Variants in PLEKHA7 observed in about 807,000 individuals in gnomAD.
PLEKHA7 encodes pleckstrin homology domain containing A7, also known as pleckstrin homology domain-containing family A member 7.
Under a neutral mutation model 170.0 loss-of-function variants are expected in PLEKHA7, and 104 were observed. That is an observed-to-expected ratio of 0.61 (90% CI 0.52 to 0.72). The LOEUF (loss-of-function observed/expected upper bound fraction) is 0.72, where lower values mean the gene tolerates loss of function less well. Ranked by LOEUF, PLEKHA7 falls within the 30% of genes least tolerant of loss-of-function variation. PLEKHA7 has a pLI of 0.00. For synonymous variants in PLEKHA7, 648 were observed against 660.8 expected, an observed-to-expected ratio of 0.98 and a Z score of 0.30; for missense variants, 1,615 against 1,671.7, an observed-to-expected ratio of 0.97 and a Z score of 0.59.
Position 16,803,221 on chromosome 11 carries a change from A to C in PLEKHA7, c.2076+6T>G. On this transcript the variant is annotated splice_donor_region_variant and intron_variant, in intron 14 of 26. Transcript: ENST00000531066. ...GAGGGGTCAGCGTGTCACTCTGCTCACTCACGTCAGTGTCGCTCTCAGCGA... is the reference window on the plus strand; with the variant it reads ...GAGGGGTCAGCGTGTCACTCTGCTCCCTCACGTCAGTGTCGCTCTCAGCGA... 1 of 1,612,380 alleles carries C rather than the reference A, an allele frequency of 6.2e-7. No individual in the cohort carries two copies. The highest frequency in any genetic ancestry group is 8.5e-7 in the Non-Finnish European group (1 of 1,178,492).
chr11:16,904,793 T>C (rs534392410), intron 3 of PLEKHA7, among the ~76,000 whole-genome samples: 6 of 152,224 alleles, frequency 3.9e-5, no homozygotes, highest in Non-Finnish European at 7.4e-5. Context: ...TTTTAAAACT[T>C]CAAAATGGGG....
Position 16,782,886 on chromosome 11 carries a change from G to A in PLEKHA7, c.3661C>T (p.Leu1221=). 1.3e-6 allele frequency: 2 copies of A among 1,536,142 alleles called. No homozygotes were observed. The highest frequency in any genetic ancestry group is 1.4e-5 in the African/African-American group (1 of 73,178). The stretch of plus-strand genomic sequence containing the variant: ...TGGTCCTGGCCTGAGGTCGGCTGTA[G>A]GTTGCACATGCTGTAGGAGGGTCGG... ...NILARSSMCN[L]QPTSGQDQNS... is the part of the protein sequence containing the mutation. The change falls in exon 26 of 27, where the codon CTA becomes TTA. Residue 1221 remains leucine (L), a synonymous_variant. Transcript: ENST00000531066.
intron 4 of PLEKHA7, among the ~76,000 whole-genome samples, chr11:16,860,192 A>G (rs1023108959): frequency 2.6e-5 from 4 of 152,230 alleles, no homozygotes; most frequent in Admixed American, 2.0e-4. Context: ...GGATGTGTGA[A>G]GTGAGCCTGA....
chr11:16,787,075 C>T (rs1274594411), intron 23 of PLEKHA7: 75 of 985,292 alleles, frequency 7.6e-5, no homozygotes, highest in Non-Finnish European at 8.4e-5. Context: ...ACAGTATCAA[C>T]TTTGTAACAA....
intron 3 of PLEKHA7, among the ~76,000 whole-genome samples, chr11:16,921,105 T>C (rs1405789323): frequency 1.3e-5 from 2 of 152,232 alleles, no homozygotes; most frequent in Non-Finnish European, 2.9e-5. Flanking sequence ...TTTTTTGTTG[T>C]TGTTGTTCCT....
rs544374242 is a variant in PLEKHA7 at position 16,835,691 on chromosome 11, A to G, written c.872+5856T>C. Among the ~76,000 whole-genome samples the G allele has an allele frequency of 6.5e-4, 99 of 152,348 alleles. 1 individual carries two copies. Among genetic ancestry groups the G allele is most frequent in the South Asian group, 5.2e-3 (25 of 4,826 alleles). On this transcript the variant is annotated intron_variant, in intron 9 of 26. Transcript: ENST00000531066. ...TAAGAAAAATCAAGGTTTCAAAAGC[A>G]TGCATAATTTGCACAAGATGACACA...
intron 3 of PLEKHA7, among the ~76,000 whole-genome samples, chr11:16,886,647 G>A (rs746505667): frequency 2.3e-4 from 34 of 148,664 alleles, no homozygotes; most frequent in Non-Finnish European, 4.9e-4. Context: ...GGAGGCGGAG[G>A]TTGCAGTGAG....
rs79711850 is a variant in PLEKHA7, at chr11:16,879,787, T to C, written c.222-8605A>G. 4.6e-3 allele frequency among the ~76,000 whole-genome samples: 701 copies of C among 152,350 alleles called. 39 individuals are homozygous for C. The East Asian group carries it at 0.11, about 25-fold the overall frequency. On this transcript the variant is annotated intron_variant, in intron 3 of 26. Coordinates refer to ENST00000531066, the MANE Select transcript of PLEKHA7 (RefSeq NM_001329630.2). Reference sequence around the variant, plus strand: ...CTCTAGATTTAACAGTCTTCTGGCATGATTTGCAAACCTCTACATTTCATT... The same window carrying C: ...CTCTAGATTTAACAGTCTTCTGGCACGATTTGCAAACCTCTACATTTCATT...
In PLEKHA7 at chr11:16,796,650, T is replaced by C. The variant is rs541681764; in HGVS notation, c.2410-1632A>G. Among the ~76,000 whole-genome samples the C allele has an allele frequency of 4.6e-5, 7 of 152,098 alleles. No homozygotes were observed. In the East Asian group the frequency reaches 1.4e-3, roughly 29 times the overall value. On this transcript the variant is annotated intron_variant, in intron 17 of 26. Transcript: ENST00000531066. ...CACTGAAACGTATACTTTAGAAGGG[T>C]GAATTTACTTATTTACTTATTTATT... is the stretch of plus-strand genomic sequence containing the variant.
intron 3 of PLEKHA7, among the ~76,000 whole-genome samples, chr11:16,988,502 A>C (rs1194871397): frequency 6.6e-6 from 1 of 152,038 alleles, no homozygotes; most frequent in African/African-American, 2.4e-5. Flanking sequence ...GCTGGAGTGC[A>C]ATGGTGTGAT....
intron 3 of PLEKHA7, among the ~76,000 whole-genome samples, chr11:16,916,781 T>C (rs1370343517): frequency 1.3e-5 from 2 of 152,174 alleles, no homozygotes; most frequent in Admixed American, 6.5e-5. Flanking sequence ...ATGACATTGA[T>C]GCTCTTTTTT....
intron 3 of PLEKHA7, among the ~76,000 whole-genome samples, chr11:16,994,444 A>C (rs1200814141): frequency 6.6e-6 from 1 of 152,136 alleles, no homozygotes; most frequent in Non-Finnish European, 1.5e-5. Context: ...TTTGGAGGCC[A>C]ACCCTCACCT....
At chr11:16,974,420 G>C (rs959132232) in intron 3 of PLEKHA7, among the ~76,000 whole-genome samples, 1 of 151,714 alleles carries the variant, frequency 6.6e-6, no homozygotes, top group African/African-American at 2.4e-5. Flanking sequence ...GACAGACTGC[G>C]CAAAATATGG....
At chr11:16,842,469 G>GA (rs1341594271) in intron 8 of PLEKHA7, 1 of 151,744 alleles carries the variant, frequency 6.6e-6, no homozygotes, top group Non-Finnish European at 1.5e-5. Context: ...TCCCCTGCTA[G>GA]AACCTCCAAA....
chr11:16,789,856 C>A lies in PLEKHA7; in HGVS notation c.3075G>T (p.Arg1025Ser). 1 of 1,614,072 alleles carries A rather than the reference C, an allele frequency of 6.2e-7. No individual in the cohort carries two copies. Among genetic ancestry groups the A allele is most frequent in the Non-Finnish European group, 8.5e-7 (1 of 1,179,954 alleles). ...PGRGLSGSTS[R>S]LQQSSTIAPY... ...GAGCAATGGTGGACGACTGCTGGAG[C>A]CTTGACGTGGACCCTGAGAGCCCTT... The change falls in exon 22 of 27, where the codon AGG becomes AGT. Residue 1025 changes from arginine to serine, a missense_variant. Arg to Ser is a moderately radical substitution (Grantham distance 110). Coordinates refer to ENST00000531066, the MANE Select transcript of PLEKHA7 (RefSeq NM_001329630.2). The surrounding 1 kb of genome is among the most constrained non-coding windows in gnomAD (Gnocchi z 4.6).
At chr11:16,865,016 G>C (rs545589752) in intron 4 of PLEKHA7, among the ~76,000 whole-genome samples, 1 of 152,230 alleles carries the variant, frequency 6.6e-6, no homozygotes, top group South Asian at 2.1e-4. Flanking sequence ...CTCTCCTGCA[G>C]ATTAATCACA....
At chr11:16,963,316 G>C (rs572225389) in intron 3 of PLEKHA7, among the ~76,000 whole-genome samples, 1 of 152,252 alleles carries the variant, frequency 6.6e-6, no homozygotes, top group African/African-American at 2.4e-5. Context: ...CTTGTACCTT[G>C]CTTAATTTAG....
intron 3 of PLEKHA7, among the ~76,000 whole-genome samples, chr11:16,992,761 A>AAC (rs1402225545): frequency 6.6e-6 from 1 of 151,856 alleles, no homozygotes; most frequent in Non-Finnish European, 1.5e-5. Flanking sequence ...ATCTCAAAAA[A>AAC]AAAAAAAAAA....
chr11:16,852,790 T>TCC lies in PLEKHA7; in HGVS notation c.523-436_523-435insGG, dbSNP rs1261621813. 1.5e-3 allele frequency among the ~76,000 whole-genome samples: 225 copies of TCC among 152,356 alleles called. 1 individual carries two copies. In the East Asian group the frequency reaches 0.034, roughly 23 times the overall value. On this transcript the variant is annotated intron_variant, in intron 6 of 26. Coordinates refer to ENST00000531066, the MANE Select transcript of PLEKHA7 (RefSeq NM_001329630.2). ...TAATGAATTAAGTGAGGCAAAGTTT[T>TCC]CATTAGACTATGCTCAGTTCTGTGC...
Sources: allele counts gnomAD v4.1 joint callset (sites outside exome capture counted in the v4.1 genomes callset), GRCh38; gene constraint gnomAD v4.1.1; non-coding constraint Gnocchi (gnomAD v3.1); transcripts MANE v1.5; gene names NCBI Gene and HGNC (gene_info 2026-07-23, HGNC 2026-07-21).